The following MSR1 variants were observed in gnomAD, a reference collection of about 807,000 sequenced individuals.
MSR1 encodes macrophage scavenger receptor 1, also known as macrophage scavenger receptor types I and II.
In MSR1, 53 loss-of-function variants were observed where a neutral mutation model predicts 47.2. That is an observed-to-expected ratio of 1.12 (90% CI 0.90 to 1.41). The LOEUF is 1.41. MSR1 is among the 40% of genes most tolerant of loss of function. MSR1 has a pLI of 0.00. For synonymous variants in MSR1, 239 were observed against 185.6 expected (o/e 1.29, Z -2.34); for missense variants, 786 against 546.9 (o/e 1.44, Z -4.36).
Position 16,160,035 on chromosome 8 carries a change from C to T in MSR1, c.817+4030G>A, listed in dbSNP as rs138029548. Reference sequence around the variant, plus strand: ...AAAAAAGACAAGCGAGGGAATGAAGCATTCAAGACTAGTTAAGAGACACAC... The same window carrying T: ...AAAAAAGACAAGCGAGGGAATGAAGTATTCAAGACTAGTTAAGAGACACAC... On this transcript the variant is annotated intron_variant, in intron 5 of 9. Transcript: ENST00000262101. Among the ~76,000 whole-genome samples, 897 of 152,056 alleles carry T rather than the reference C, an allele frequency of 5.9e-3. 13 individuals are homozygous for T. Among genetic ancestry groups the T allele is most frequent in the African/African-American group, 0.02 (816 of 41,534 alleles).
intron 8 of MSR1, chr8:16,140,983 C>T (rs765615170): frequency 2.5e-6 from 4 of 1,613,900 alleles, no homozygotes; most frequent in South Asian, 1.1e-5. Flanking sequence ...AGAGGATGTC[C>T]CGCCCAACCC....
At chr8:16,165,411 G>A (rs899682) in intron 4 of MSR1, among the ~76,000 whole-genome samples, 71,454 of 151,834 alleles carry the variant, frequency 0.47, 17,039 homozygotes, top group East Asian at 0.54. Context: ...GACGATTAAT[G>A]TTTATTAATT....
At chr8:16,139,505 G>C (rs1800472660) in intron 8 of MSR1, 4 of 984,398 alleles carry the variant, frequency 4.1e-6, no homozygotes, top group African/African-American at 3.5e-5. Context: ...TATGAATCTT[G>C]GGTCTGTGTG....
intron 8 of MSR1, among the ~76,000 whole-genome samples, chr8:16,126,236 G>A (rs1272331215): frequency 6.6e-6 from 1 of 152,024 alleles, no homozygotes; most frequent in Non-Finnish European, 1.5e-5. Context: ...ATTCAAACTT[G>A]AAAAGTCAGG....
At chr8:16,153,475 G>T (rs1489550827) in intron 6 of MSR1, among the ~76,000 whole-genome samples, 1 of 151,798 alleles carries the variant, frequency 6.6e-6, no homozygotes, top group Non-Finnish European at 1.5e-5. Flanking sequence ...ATGCCTATTT[G>T]TGTAAATGAG....
chr8:16,182,011 T>C (rs1801847578), intron 1 of MSR1, among the ~76,000 whole-genome samples: 1 of 152,188 alleles, frequency 6.6e-6, no homozygotes, highest in South Asian at 2.1e-4. Context: ...GTGAACATCA[T>C]AGAGTGCATT....
chr8:16,142,673 A>G (rs1221835794), intron 8 of MSR1, among the ~76,000 whole-genome samples: 1 of 152,142 alleles, frequency 6.6e-6, no homozygotes, highest in African/African-American at 2.4e-5. Flanking sequence ...CTAGATAATG[A>G]TTACAAATAA....
chr8:16,155,805 G>C (rs968658017), intron 5 of MSR1, among the ~76,000 whole-genome samples: 1 of 151,766 alleles, frequency 6.6e-6, no homozygotes, highest in Non-Finnish European at 1.5e-5. Context: ...AATGAGTAGA[G>C]GAATTCTTTT....
Position 16,164,111 on chromosome 8 carries a change from T to G in MSR1, c.771A>C (p.Lys257Asn). The G allele has an allele frequency of 4.3e-6, 7 of 1,611,312 alleles. No individual in the cohort carries two copies. The highest frequency in any genetic ancestry group is 5.9e-6 in the Non-Finnish European group (7 of 1,178,236). Reference sequence around the variant, plus strand: ...TCAAGGTCTGAGAATGTTCCCAATCTTTCAGTCTGAGATCATTAGTGATGT... The same window carrying G: ...TCAAGGTCTGAGAATGTTCCCAATCGTTCAGTCTGAGATCATTAGTGATGT... ...LNNITNDLRL[K>N]DWEHSQTLRN... The change falls in exon 5 of 10, where the codon AAA (lysine) becomes AAC (asparagine). Residue 257 changes from lysine (K) to asparagine (N), a missense_variant. By Grantham distance (94) the Lys-to-Asn change is moderately conservative (BLOSUM62 0). Coordinates refer to ENST00000262101, the MANE Select transcript of MSR1 (RefSeq NM_138715.3).
At chr8:16,183,738 T>C (rs1801909997) in intron 1 of MSR1, among the ~76,000 whole-genome samples, 1 of 143,270 alleles carries the variant, frequency 7.0e-6, no homozygotes, top group African/African-American at 2.5e-5. Context: ...TTATATAATA[T>C]ATAATATAAA....
At chr8:16,123,743 C>G (rs574124183) in intron 8 of MSR1, among the ~76,000 whole-genome samples, 1 of 151,902 alleles carries the variant, frequency 6.6e-6, no homozygotes, top group Non-Finnish European at 1.5e-5. Context: ...GAAACAGAAA[C>G]TAAAGTAATT....
intron 7 of MSR1, among the ~76,000 whole-genome samples, chr8:16,144,097 A>G (rs2117116206): frequency 6.6e-6 from 1 of 152,216 alleles, no homozygotes; most frequent in East Asian, 1.9e-4. Flanking sequence ...GAAGGTAGGA[A>G]GATCCTTGGA....
intron 3 of MSR1, among the ~76,000 whole-genome samples, chr8:16,171,225 TCTCA>T (rs1204746409): frequency 9.8e-5 from 5 of 50,880 alleles, no homozygotes; most frequent in South Asian, 1.1e-3. Context: ...CAAGACTCAG[TCTCA>T]AAAAAAAAAA....
intron 4 of MSR1, among the ~76,000 whole-genome samples, chr8:16,168,250 T>C (rs1251119417): frequency 6.6e-6 from 1 of 152,180 alleles, no homozygotes; most frequent in Admixed American, 6.5e-5. Context: ...TGGGAAAAAT[T>C]TCCCCTTTTT....
chr8:16,177,067 T>C (rs1196565690), intron 2 of MSR1, among the ~76,000 whole-genome samples: 3 of 152,216 alleles, frequency 2.0e-5, no homozygotes, highest in African/African-American at 4.8e-5. Context: ...TCTTAAATGA[T>C]CCTGTTGAGA....
At chr8:16,137,103 G>C (rs1008487908) in intron 8 of MSR1, among the ~76,000 whole-genome samples, 1 of 152,028 alleles carries the variant, frequency 6.6e-6, no homozygotes, top group Non-Finnish European at 1.5e-5. Flanking sequence ...AGTGAAAAAT[G>C]TTAAGGCTGA....
Position 16,175,220 on chromosome 8 carries a change from C to A in MSR1, c.184G>T (p.Ala62Ser). The A allele has an allele frequency of 6.2e-7, 1 of 1,614,018 alleles. No individual in the cohort carries two copies. Among genetic ancestry groups the A allele is most frequent in the Non-Finnish European group, 8.5e-7 (1 of 1,179,966 alleles). The change falls in exon 3 of 10, where the codon GCA becomes TCA. Residue 62 changes from alanine (A) to serine (S), a missense_variant. Ala to Ser is a moderately conservative substitution (Grantham distance 99). Coordinates refer to ENST00000262101, the MANE Select transcript of MSR1 (RefSeq NM_138715.3). ...ALIALYLLVF[A>S]VLIPLIGIVA... ...ATTCCAATGAGAGGGATGAGAACTG[C>A]AAACACGAGGAGGTAAAGGGCAATC...
At chr8:16,176,280 G>C (rs1801643615) in intron 2 of MSR1, among the ~76,000 whole-genome samples, 2 of 152,192 alleles carry the variant, frequency 1.3e-5, no homozygotes, top group Non-Finnish European at 2.9e-5. Flanking sequence ...GCCAAGGCGG[G>C]AGGATGGCTT....
chr8:16,148,192 G>T (rs1231134277), intron 7 of MSR1, among the ~76,000 whole-genome samples: 1 of 152,062 alleles, frequency 6.6e-6, no homozygotes, highest in Non-Finnish European at 1.5e-5. Flanking sequence ...CCTCACCAAG[G>T]TTGTTTACTT....
Sources: allele counts gnomAD v4.1 joint callset (sites outside exome capture counted in the v4.1 genomes callset), GRCh38; gene constraint gnomAD v4.1.1; transcripts MANE v1.5; gene names NCBI Gene and HGNC (gene_info 2026-07-23, HGNC 2026-07-21).